Variants in NKAIN3 observed in about 807,000 individuals in gnomAD.
NKAIN3 encodes sodium/potassium-transporting ATPase subunit beta-1-interacting protein 3.
Under a neutral mutation model 30.2 loss-of-function variants are expected in NKAIN3, and 25 were observed. The ratio of observed to expected loss-of-function variants is 0.83; its 90% CI spans 0.60 to 1.16. The LOEUF is 1.16. NKAIN3 is among the 50% of genes most tolerant of loss of function. The probability of loss-of-function intolerance (pLI) is 0.00; values close to 1 mark genes in which losing one functional copy is unlikely to be tolerated. For synonymous variants in NKAIN3, 91 were observed against 89.6 expected, an observed-to-expected ratio of 1.02 and a Z score of -0.09; for missense variants, 225 against 254.1, an observed-to-expected ratio of 0.89 and a Z score of 0.78.
intron 3 of NKAIN3, among the ~76,000 whole-genome samples, chr8:62,741,401 A>C (rs201067080): frequency 6.8e-6 from 1 of 147,242 alleles, no homozygotes; most frequent in African/African-American, 2.7e-5. Flanking sequence ...GAAGGAAGGA[A>C]GGAAGGAAGG....
intron 4 of NKAIN3, among the ~76,000 whole-genome samples, chr8:62,901,506 C>A: frequency 6.6e-6 from 1 of 152,270 alleles, no homozygotes; most frequent in East Asian, 1.9e-4. Flanking sequence ...ACATAACACC[C>A]TGGGGCCTTC....
chr8:62,423,087 A>G (rs915079615), intron 1 of NKAIN3, among the ~76,000 whole-genome samples: 1 of 152,038 alleles, frequency 6.6e-6, no homozygotes, highest in Admixed American at 6.6e-5. Flanking sequence ...TAGCACATTT[A>G]ACCACAATGT....
chr8:62,870,812 C>T (rs1471771896), intron 4 of NKAIN3, among the ~76,000 whole-genome samples: 1 of 148,192 alleles, frequency 6.7e-6, no homozygotes, highest in Non-Finnish European at 1.5e-5. Flanking sequence ...TCTGGAATGC[C>T]CTGGTTAATA....
chr8:62,402,268 G>T (rs1306672814), intron 1 of NKAIN3, among the ~76,000 whole-genome samples: 1 of 152,148 alleles, frequency 6.6e-6, no homozygotes, highest in East Asian at 1.9e-4. Flanking sequence ...GGGCTTTTCA[G>T]TCAGCTGGTG....
At chr8:62,291,086 C>A (rs1813606334) in intron 1 of NKAIN3, among the ~76,000 whole-genome samples, 1 of 152,076 alleles carries the variant, frequency 6.6e-6, no homozygotes, top group Non-Finnish European at 1.5e-5. Context: ...GTGGTGATAT[C>A]CCCCTTATCA....
chr8:62,992,559 C>T (rs1318136999), intron 5 of NKAIN3, among the ~76,000 whole-genome samples: 3 of 151,906 alleles, frequency 2.0e-5, no homozygotes, highest in Admixed American at 6.5e-5. Context: ...GATAAGTCCC[C>T]TCCAAGTGTT....
chr8:62,381,717 G>A (rs1817284096), intron 1 of NKAIN3, among the ~76,000 whole-genome samples: 1 of 152,108 alleles, frequency 6.6e-6, no homozygotes, highest in South Asian at 2.1e-4. Context: ...CTAGAACTCA[G>A]TTCTCCTAAC....
chr8:62,622,228 G>A (rs1210247275), intron 3 of NKAIN3, among the ~76,000 whole-genome samples: 1 of 151,954 alleles, frequency 6.6e-6, no homozygotes, highest in African/African-American at 2.4e-5. Context: ...TGGCCATTGT[G>A]AATGAAACTG....
At chr8:62,630,020 G>A (rs1046525262) in intron 3 of NKAIN3, among the ~76,000 whole-genome samples, 2 of 151,830 alleles carry the variant, frequency 1.3e-5, no homozygotes, top group Non-Finnish European at 1.5e-5. Context: ...AATAAAATAT[G>A]GAGAGAAAAA....
chr8:62,338,736 G>T (rs1815645507), intron 1 of NKAIN3, among the ~76,000 whole-genome samples: 2 of 151,980 alleles, frequency 1.3e-5, no homozygotes, highest in Admixed American at 6.6e-5. Flanking sequence ...ATATTCCAGG[G>T]CAGGAAGGGT....
intron 1 of NKAIN3, among the ~76,000 whole-genome samples, chr8:62,555,996 T>C (rs1809373982): frequency 1.3e-5 from 2 of 151,802 alleles, no homozygotes; most frequent in Non-Finnish European, 2.9e-5. Flanking sequence ...TGAAAAAAAA[T>C]GGAAATATTT....
In NKAIN3 at chr8:62,929,757, G is replaced by A. The variant is rs551846299; in HGVS notation, c.532+11244G>A. Among the ~76,000 whole-genome samples the A allele has an allele frequency of 6.6e-5, 10 of 152,144 alleles. No homozygotes were observed. The East Asian group carries it at 9.7e-4, about 15-fold the overall frequency. ...GCTCTAAATCAAGCTTGTCCAACCC[G>A]CAGCCCATGGGCCACATGCAGCCCA... On this transcript the variant is annotated intron_variant, in intron 5 of 6. Transcript: ENST00000623646.
intron 1 of NKAIN3, among the ~76,000 whole-genome samples, chr8:62,528,317 A>G (rs1171961125): frequency 1.1e-5 from 1 of 89,724 alleles, no homozygotes; most frequent in East Asian, 2.5e-4. Context: ...ATATATATAT[A>G]TTATATAATA....
intron 5 of NKAIN3, among the ~76,000 whole-genome samples, chr8:62,927,534 A>C (rs1427665495): frequency 6.6e-6 from 1 of 152,208 alleles, no homozygotes; most frequent in East Asian, 1.9e-4. Flanking sequence ...TGTATATCCC[A>C]AGTACACTGA....
chr8:62,940,416 A>T (rs62508083), intron 5 of NKAIN3, among the ~76,000 whole-genome samples: 10,723 of 152,138 alleles, frequency 0.07, 376 homozygotes, highest in South Asian at 0.13. Flanking sequence ...GGAACAAATG[A>T]ACTTAACAGA....
At position 62,934,392 on chromosome 8, in the gene NKAIN3, T is replaced by C. The variant is rs1219013883; in HGVS notation, c.532+15879T>C. 2.9e-5 allele frequency among the ~76,000 whole-genome samples: 4 copies of C among 137,762 alleles called. No individual in the cohort carries two copies. The East Asian group carries it at 8.7e-4, about 30-fold the overall frequency. The allele number at this position is 137,762 out of a possible 152,430, so 90.4% of individuals were successfully genotyped here. ...GACCCTGTCTCTTAAAAAAAAAAAATGCAGACTAAAGTAAGAAAAATAACT... is the reference window on the plus strand; with the variant it reads ...GACCCTGTCTCTTAAAAAAAAAAAACGCAGACTAAAGTAAGAAAAATAACT... On this transcript the variant is annotated intron_variant, in intron 5 of 6. Transcript: ENST00000623646.
intron 3 of NKAIN3, among the ~76,000 whole-genome samples, chr8:62,710,460 A>C (rs1333024615): frequency 1.3e-5 from 2 of 152,164 alleles, no homozygotes; most frequent in East Asian, 3.9e-4. Flanking sequence ...AAGGCCTTTC[A>C]CCATTATATA....
chr8:62,799,631 G>C (rs560798615), intron 4 of NKAIN3, among the ~76,000 whole-genome samples: 1 of 152,310 alleles, frequency 6.6e-6, no homozygotes, highest in South Asian at 2.1e-4. Context: ...ATGAAAAACA[G>C]TGTGGAGATT....
intron 3 of NKAIN3, among the ~76,000 whole-genome samples, chr8:62,663,261 T>C (rs1197749370): frequency 6.6e-6 from 1 of 152,196 alleles, no homozygotes; most frequent in Non-Finnish European, 1.5e-5. Flanking sequence ...GAGAGTGGCA[T>C]GATCTGGCCT....
Sources: gnomAD v4.1 joint callset for allele counts (sites outside exome capture counted in the v4.1 genomes callset) on GRCh38, gnomAD v4.1.1 for gene constraint, MANE v1.5 for transcripts, NCBI Gene and HGNC (gene_info 2026-07-23, HGNC 2026-07-21) for gene names.